The following TMLHE variants were observed in gnomAD, a reference collection of about 807,000 sequenced individuals.
The protein encoded by TMLHE is trimethyllysine hydroxylase, epsilon.
In TMLHE, 18 loss-of-function variants were observed where a neutral mutation model predicts 25.7. The observed-to-expected ratio is 0.70, with a 90% CI of 0.48 to 1.04. TMLHE has a LOEUF of 1.04. Among genes scored for constraint, TMLHE ranks in the 50% least tolerant of loss-of-function variants. The pLI is 0.00. For missense variants in TMLHE, 236 were observed against 259.0 expected (o/e 0.91, Z 0.61); for synonymous variants, 105 against 97.0 (o/e 1.08, Z -0.49).
chrX:155,494,644 GAAAA>G (rs782444251), intron 6 of TMLHE, among the ~76,000 whole-genome samples: 41 of 2,517 alleles, frequency 0.016, 15 homozygotes, highest in South Asian at 0.081. Context: ...CTGTCTCAAA[GAAAA>G]AAAAAAAAAG....
intron 2 of TMLHE, among the ~76,000 whole-genome samples, chrX:155,544,596 C>T (rs1603044467): frequency 8.9e-6 from 1 of 112,265 alleles, no homozygotes; most frequent in East Asian, 2.8e-4. Context: ...GTTATGGCAG[C>T]CTTAGAAGAC....
At chrX:155,530,259 C>A (rs1305954821) in intron 2 of TMLHE, among the ~76,000 whole-genome samples, 1 of 111,190 alleles carries the variant, frequency 9.0e-6, no homozygotes, top group Non-Finnish European at 1.9e-5. Context: ...GAGATCTTGC[C>A]ATTTGCCATA....
chrX:155,553,981 TATTCATTCATTC>T (rs56360611), intron 1 of TMLHE, among the ~76,000 whole-genome samples: 65 of 99,729 alleles, frequency 6.5e-4, no homozygotes, highest in Non-Finnish European at 7.9e-4. Context: ...TTACTATTTT[TATTCATTCATTC>T]ATTCATTCAT....
chrX:155,576,139 A>C (rs2067587864), intron 1 of TMLHE, among the ~76,000 whole-genome samples: 1 of 111,628 alleles, frequency 9.0e-6, no homozygotes, highest in African/African-American at 3.3e-5. Flanking sequence ...GATTTAAAAA[A>C]AAATCAGCAC....
intron 1 of TMLHE, among the ~76,000 whole-genome samples, chrX:155,583,286 C>T (rs1483763672): frequency 5.4e-5 from 6 of 110,551 alleles, no homozygotes; most frequent in Admixed American, 1.9e-4. Context: ...CAAACATGCA[C>T]GTTGTGCACA....
At chrX:155,602,260 A>G (rs1370744100) in intron 1 of TMLHE, among the ~76,000 whole-genome samples, 4 of 111,901 alleles carry the variant, frequency 3.6e-5, no homozygotes, top group Non-Finnish European at 7.5e-5. Flanking sequence ...GTAATACCCT[A>G]TGTTACATTA....
chrX:155,516,287 G>A (rs12836840), intron 3 of TMLHE, among the ~76,000 whole-genome samples: 17 of 7,458 alleles, frequency 2.3e-3, no homozygotes, highest in African/African-American at 6.3e-3. Flanking sequence ...TTGTTCTTGC[G>A]ATAGTTTACT....
At chrX:155,575,833 G>A (rs1050847558) in intron 1 of TMLHE, among the ~76,000 whole-genome samples, 2 of 112,043 alleles carry the variant, frequency 1.8e-5, no homozygotes, top group East Asian at 5.6e-4. Context: ...ATTAGGCACT[G>A]GAGGAAGATG....
intron 5 of TMLHE, among the ~76,000 whole-genome samples, chrX:155,510,265 A>T (rs5940459): frequency 5.5e-5 from 2 of 36,577 alleles, no homozygotes. Flanking sequence ...TTATTTTATT[A>T]TACTTTAAGT....
At chrX:155,597,487 C>T (rs2067729067) in intron 1 of TMLHE, among the ~76,000 whole-genome samples, 1 of 111,260 alleles carries the variant, frequency 9.0e-6, no homozygotes, top group African/African-American at 3.3e-5. Context: ...TCAGCCATCC[C>T]ATTACTGGGT....
chrX:155,549,732 GTT>G (rs1188604195), intron 1 of TMLHE, among the ~76,000 whole-genome samples: 2 of 109,761 alleles, frequency 1.8e-5, no homozygotes, highest in Non-Finnish European at 3.8e-5. Context: ...TTTATGCTGG[GTT>G]TTTAAAATTG....
At chrX:155,512,513 G>A (rs1463905450) in intron 4 of TMLHE, among the ~76,000 whole-genome samples, 1 of 110,251 alleles carries the variant, frequency 9.1e-6, no homozygotes, top group Non-Finnish European at 1.9e-5. Flanking sequence ...ATTTTTTATG[G>A]CTGCATAGTA....
chrX:155,516,014 T>TTTC (rs1557334929), intron 3 of TMLHE, among the ~76,000 whole-genome samples: 31 of 86,717 alleles, frequency 3.6e-4, no homozygotes, highest in Non-Finnish European at 2.3e-4. Flanking sequence ...ACTTTTCTTC[T>TTTC]TTTTTTTTTT....
intron 4 of TMLHE, 93 bp from the exon 5 acceptor site, chrX:155,511,885 C>G: frequency 2.2e-6 from 2 of 928,144 alleles, no homozygotes; most frequent in Non-Finnish European, 2.9e-6. Flanking sequence ...TAGTTACTCA[C>G]AAATAACAGT....
intron 2 of TMLHE, among the ~76,000 whole-genome samples, chrX:155,532,356 T>A (rs1341674291): frequency 5.4e-5 from 6 of 112,075 alleles, no homozygotes; most frequent in African/African-American, 1.9e-4. Context: ...CTTTCCCTTC[T>A]AATAGTCTTG....
At chrX:155,565,560 T>C (rs781851723) in intron 1 of TMLHE, among the ~76,000 whole-genome samples, 1 of 61,703 alleles carries the variant, frequency 1.6e-5, no homozygotes, top group African/African-American at 3.6e-5. Flanking sequence ...GGCAGAAAAG[T>C]AGGGCTTGGA....
At chrX:155,554,496 A>C (rs1569562133) in intron 1 of TMLHE, among the ~76,000 whole-genome samples, 1 of 111,220 alleles carries the variant, frequency 9.0e-6, no homozygotes, top group Non-Finnish European at 1.9e-5. Context: ...AGTCAAAGCC[A>C]ATCTAATTGC....
At chrX:155,556,728 G>A (rs1486382155) in intron 1 of TMLHE, among the ~76,000 whole-genome samples, 1 of 110,046 alleles carries the variant, frequency 9.1e-6, no homozygotes, top group African/African-American at 3.3e-5. Flanking sequence ...GAGATCAACC[G>A]GTCTGACCAA....
At chrX:155,549,448 G>C (rs1029677079) in intron 1 of TMLHE, among the ~76,000 whole-genome samples, 4 of 110,239 alleles carry the variant, frequency 3.6e-5, no homozygotes, top group East Asian at 2.8e-4. Context: ...AATATGACTT[G>C]AATTTTAGTA....
Sources: gnomAD v4.1 joint callset for allele counts (sites outside exome capture counted in the v4.1 genomes callset) on GRCh38, gnomAD v4.1.1 for gene constraint, MANE v1.5 for transcripts, NCBI Gene and HGNC (gene_info 2026-07-23, HGNC 2026-07-21) for gene names.